PCNX2: variants seen among roughly 807,000 people sequenced by gnomAD.
PCNX2 encodes pecanex 2, also known as pecanex-like protein 2.
Under a neutral mutation model 223.8 loss-of-function variants are expected in PCNX2, and 168 were observed. The ratio of observed to expected loss-of-function variants is 0.75; its 90% CI spans 0.66 to 0.85. PCNX2 has a LOEUF of 0.85. PCNX2 is among the 40% of genes least tolerant of loss of function. The pLI, the probability that PCNX2 is intolerant of heterozygous loss-of-function variation, is 0.00. For synonymous variants in PCNX2, 1,006 were observed against 1,052.6 expected, an observed-to-expected ratio of 0.96 and a Z score of 0.86; for missense variants, 2,507 against 2,675.5, an observed-to-expected ratio of 0.94 and a Z score of 1.39.
At chr1:233,031,785 CTTT>C (rs56699256) in intron 25 of PCNX2, 25 of 934,508 alleles carry the variant, frequency 2.7e-5, no homozygotes, top group East Asian at 1.2e-4. Context: ...TGAAAGCATT[CTTT>C]TTTTTTTTTT....
At chr1:233,182,270 C>T (rs1444238810) in intron 15 of PCNX2, among the ~76,000 whole-genome samples, 1 of 152,186 alleles carries the variant, frequency 6.6e-6, no homozygotes, top group Non-Finnish European at 1.5e-5. Context: ...TCTTTCCCAC[C>T]GTCTCAACAG....
rs57288356 is a variant in PCNX2, at chr1:233,279,389, T to TTGTGTGTG, written c.153+15929_153+15936dup. 1.1e-3 allele frequency among the ~76,000 whole-genome samples: 159 copies of TTGTGTGTG among 142,676 alleles called. 1 individual carries two copies. The highest frequency in any genetic ancestry group is 9.8e-3 in the South Asian group (43 of 4,410). 93.6% of individuals were successfully genotyped at this position (142,676 alleles called of 152,430 possible). A position where few individuals can be genotyped will look rare whatever the true frequency, so the allele number is the denominator to read the frequency against. On this transcript the variant is annotated intron_variant, in intron 1 of 33. Transcript: ENST00000258229. ...GCCACCATACACAGCTAATTTGTGT[T>TTGTGTGTG]TGTGTGTGTGTGTGTGTGTGTGTGT... is the stretch of plus-strand genomic sequence containing the variant.
chr1:233,163,588 T>C (rs527461055), intron 17 of PCNX2, among the ~76,000 whole-genome samples: 5 of 151,466 alleles, frequency 3.3e-5, no homozygotes, highest in Non-Finnish European at 4.4e-5. Flanking sequence ...TGGGGATATA[T>C]ATAAATTATG....
At chr1:233,118,043 C>G (rs925496580) in intron 21 of PCNX2, among the ~76,000 whole-genome samples, 12 of 151,470 alleles carry the variant, frequency 7.9e-5, no homozygotes, top group Admixed American at 7.9e-4. Context: ...TAGACCATAA[C>G]CAAATGGGTT....
chr1:233,086,713 C>T (rs1048841432), intron 23 of PCNX2, among the ~76,000 whole-genome samples: 6 of 151,968 alleles, frequency 3.9e-5, no homozygotes, highest in Non-Finnish European at 7.4e-5. Flanking sequence ...AAATAAAATT[C>T]AGTTCCTCCA....
chr1:233,272,961 T>C (rs1437704069), intron 1 of PCNX2, among the ~76,000 whole-genome samples: 1 of 151,916 alleles, frequency 6.6e-6, no homozygotes, highest in African/African-American at 2.4e-5. Context: ...TGCAAAGGCA[T>C]AAGAATGATA....
At chr1:233,106,347 CTTTTTTT>C (rs912803573) in intron 21 of PCNX2, among the ~76,000 whole-genome samples, 82 of 115,680 alleles carry the variant, frequency 7.1e-4, no homozygotes, top group African/African-American at 2.4e-3. Context: ...TCTCCTCCCT[CTTTTTTT>C]TTTTTTTTTT....
intron 19 of PCNX2, 37 bp downstream of exon 19, chr1:233,160,246 C>CTTTT: frequency 2.1e-6 from 3 of 1,444,950 alleles, no homozygotes; most frequent in African/African-American, 1.5e-5. Context: ...CCTACCCCTC[C>CTTTT]TTTTTTTTTT....
intron 23 of PCNX2, among the ~76,000 whole-genome samples, chr1:233,069,116 G>A (rs1672739478): frequency 6.6e-6 from 1 of 152,098 alleles, no homozygotes. Flanking sequence ...ACCAAAGACA[G>A]AAACGAACAT....
chr1:232,994,033 C>T (rs891793571), intron 32 of PCNX2, among the ~76,000 whole-genome samples: 2 of 152,250 alleles, frequency 1.3e-5, no homozygotes, highest in African/African-American at 4.8e-5. Flanking sequence ...TGGAGAACCT[C>T]TGCTAGGGCA....
At chr1:233,172,865 G>A (rs1035282184) in intron 17 of PCNX2, among the ~76,000 whole-genome samples, 3 of 152,202 alleles carry the variant, frequency 2.0e-5, no homozygotes, top group South Asian at 2.1e-4. Flanking sequence ...AAAGTCCCAC[G>A]TGACTTTCCT....
At chr1:233,199,978 T>C (rs1680969271) in intron 14 of PCNX2, among the ~76,000 whole-genome samples, 176 bp downstream of exon 14, 2 of 152,202 alleles carry the variant, frequency 1.3e-5, no homozygotes, top group Non-Finnish European at 2.9e-5. Context: ...CTCTTCCAAT[T>C]TGGCTACAGG....
intron 1 of PCNX2, among the ~76,000 whole-genome samples, chr1:233,288,601 A>T (rs919134335): frequency 1.3e-5 from 2 of 152,262 alleles, no homozygotes; most frequent in African/African-American, 4.8e-5. Context: ...TATCAATTTG[A>T]AAAGACTGTT....
chr1:233,099,322 C>T (rs1674351053), intron 21 of PCNX2, among the ~76,000 whole-genome samples: 1 of 152,200 alleles, frequency 6.6e-6, no homozygotes, highest in Admixed American at 6.5e-5. Context: ...ATGAACATCA[C>T]ACACTATAGC....
chr1:233,291,987 G>A (rs1661792193), intron 1 of PCNX2: 9 of 985,164 alleles, frequency 9.1e-6, no homozygotes, highest in Non-Finnish European at 1.1e-5. Flanking sequence ...ACTGTTTTCA[G>A]TTGTACATTT....
At chr1:233,266,768 G>A (rs1462414456) in intron 1 of PCNX2, among the ~76,000 whole-genome samples, 1 of 152,046 alleles carries the variant, frequency 6.6e-6, no homozygotes, top group African/African-American at 2.4e-5. Context: ...GTTAACAATG[G>A]GAGGCAACAT....
chr1:233,067,964 T>C (rs1464737731), intron 23 of PCNX2, among the ~76,000 whole-genome samples: 3 of 151,634 alleles, frequency 2.0e-5, no homozygotes, highest in Non-Finnish European at 4.4e-5. Context: ...AAAATCAGGG[T>C]CCCAGAAGGA....
At chr1:233,011,139 G>T (rs1670454252) in intron 28 of PCNX2, among the ~76,000 whole-genome samples, 1 of 152,122 alleles carries the variant, frequency 6.6e-6, no homozygotes, top group Non-Finnish European at 1.5e-5. Flanking sequence ...CTTTGCACAT[G>T]AATATAATCA....
intron 15 of PCNX2, among the ~76,000 whole-genome samples, chr1:233,187,129 A>C (rs951877442): frequency 1.3e-5 from 2 of 152,228 alleles, no homozygotes; most frequent in Non-Finnish European, 2.9e-5. Context: ...GCTCCCATGC[A>C]TTCGGCAGCG....
Sources: allele counts gnomAD v4.1 joint callset (sites outside exome capture counted in the v4.1 genomes callset), GRCh38; gene constraint gnomAD v4.1.1; transcripts MANE v1.5; gene names NCBI Gene and HGNC (gene_info 2026-07-23, HGNC 2026-07-21).